The following AGTPBP1 variants were observed in gnomAD, a reference collection of about 807,000 sequenced individuals.
AGTPBP1 encodes cytosolic carboxypeptidase 1.
A neutral mutation model predicts 143.9 loss-of-function variants in AGTPBP1; 70 were observed. That is an observed-to-expected ratio of 0.49 (90% CI 0.40 to 0.59). The LOEUF (loss-of-function observed/expected upper bound fraction) is 0.59. AGTPBP1 is among the 20% of genes least tolerant of loss of function. AGTPBP1 has a pLI of 0.00. For synonymous variants in AGTPBP1, 463 were observed against 500.2 expected, an observed-to-expected ratio of 0.93 and a Z score of 0.99; for missense variants, 1,229 against 1,464.5, an observed-to-expected ratio of 0.84 and a Z score of 2.62.
At chr9:85,785,187 A>C in the AGTPBP1 span, among the ~76,000 whole-genome samples, 89 of 152,276 alleles carry the variant, frequency 5.8e-4, no homozygotes, top group African/African-American at 2.0e-3. Flanking sequence ...ACAAAAAATT[A>C]GCCGGGCGTG....
At chr9:85,658,045 G>T (rs1833638576) in intron 9 of AGTPBP1, among the ~76,000 whole-genome samples, 1 of 151,956 alleles carries the variant, frequency 6.6e-6, no homozygotes, top group Non-Finnish European at 1.5e-5. Context: ...TAGAAGATCT[G>T]CTATCATTTT....
At chr9:85,670,590 A>G (rs1834420985) in intron 7 of AGTPBP1, among the ~76,000 whole-genome samples, 1 of 152,222 alleles carries the variant, frequency 6.6e-6, no homozygotes, top group Non-Finnish European at 1.5e-5. Context: ...AGAACCAGGG[A>G]CAATGGCATG....
the AGTPBP1 span, among the ~76,000 whole-genome samples, chr9:85,795,245 A>G: frequency 4.6e-5 from 7 of 152,204 alleles, no homozygotes; most frequent in Middle Eastern, 3.2e-3. Flanking sequence ...TGAAACACAA[A>G]GGAATAATCC....
rs1282457312 is a variant in AGTPBP1 at position 85,681,295 on chromosome 9, TCCTGTAGAA to T, written c.189_197del (p.Ser64_Gly66del). The T allele has an allele frequency of 6.2e-7, 1 of 1,612,716 alleles. No individual in the cohort carries two copies. Among genetic ancestry groups the T allele is most frequent in the East Asian group, 2.2e-5 (1 of 44,794 alleles). ...CTAATGTTGACAGCAGAATTTCCAT[TCCTGTAGAA>T]CCTTTGGCTGTCATTTCTCTCCTTG... On this transcript the variant is annotated inframe_deletion, in exon 4 of 26. Transcript: ENST00000357081.
chr9:85,733,927 A>G (rs1272287596), intron 1 of AGTPBP1, among the ~76,000 whole-genome samples: 1 of 152,230 alleles, frequency 6.6e-6, no homozygotes, highest in Non-Finnish European at 1.5e-5. Context: ...AAATAGACCC[A>G]TAACTATTGA....
the AGTPBP1 span, among the ~76,000 whole-genome samples, chr9:85,773,356 G>C: frequency 2.7e-5 from 3 of 110,518 alleles, no homozygotes; most frequent in Admixed American, 9.9e-5. Context: ...TTTTTGCGGC[G>C]GAGTTTTGCT....
In AGTPBP1 at chr9:85,695,517, T is replaced by A. The variant is rs116618554; in HGVS notation, c.33-2704A>T. The stretch of plus-strand genomic sequence containing the variant: ...TCCAAAGGCAATGATGGGTACAGAG[T>A]TGGCATTGCAGCAAAATGAAGGCAG... On this transcript the variant is annotated intron_variant, in intron 2 of 25. Transcript: ENST00000357081. 6.0e-3 allele frequency among the ~76,000 whole-genome samples: 919 copies of A among 152,192 alleles called. 9 individuals carry two copies. The highest frequency in any genetic ancestry group is 0.021 in the African/African-American group (881 of 41,518).
At chr9:85,734,699 G>T (rs190637311) in intron 1 of AGTPBP1, among the ~76,000 whole-genome samples, 10 of 152,296 alleles carry the variant, frequency 6.6e-5, no homozygotes, top group Non-Finnish European at 1.2e-4. Flanking sequence ...CAGTATGAAG[G>T]TTCCTTGAAA....
At chr9:85,716,647 A>G (rs940201877) in intron 1 of AGTPBP1, among the ~76,000 whole-genome samples, 3 of 152,194 alleles carry the variant, frequency 2.0e-5, no homozygotes, top group Admixed American at 1.3e-4. Context: ...ACTTTACCAC[A>G]TCTACCACGG....
chr9:85,729,123 G>T (rs866016862), intron 1 of AGTPBP1, among the ~76,000 whole-genome samples: 3 of 152,116 alleles, frequency 2.0e-5, no homozygotes, highest in Non-Finnish European at 4.4e-5. Context: ...ATCGATTTTT[G>T]ACATGCATGT....
the AGTPBP1 span, among the ~76,000 whole-genome samples, chr9:85,797,919 C>T: frequency 6.6e-6 from 1 of 151,942 alleles, no homozygotes; most frequent in African/African-American, 2.4e-5. Flanking sequence ...TTGAGACGGA[C>T]TCTCACTCTG....
intron 14 of AGTPBP1, 72 bp from the exon 15 acceptor site, chr9:85,621,357 G>T: frequency 1.4e-6 from 1 of 700,364 alleles, no homozygotes; most frequent in Non-Finnish European, 2.1e-6. Context: ...AGTAAATTTT[G>T]AATGAAAAAA....
At chr9:85,757,113 C>G in the AGTPBP1 span, among the ~76,000 whole-genome samples, 129 of 152,210 alleles carry the variant, frequency 8.5e-4, 1 homozygote, top group Non-Finnish European at 1.2e-3. Context: ...TTTTTTGAGA[C>G]TGGAGTGCAG....
intron 8 of AGTPBP1, among the ~76,000 whole-genome samples, chr9:85,666,771 C>T (rs897646967): frequency 1.3e-5 from 2 of 151,652 alleles, no homozygotes; most frequent in Admixed American, 1.3e-4. Context: ...GAGATCATGG[C>T]CATTATATAA....
At chr9:85,580,722 G>T (rs1415560642) in intron 23 of AGTPBP1, among the ~76,000 whole-genome samples, 4 of 152,100 alleles carry the variant, frequency 2.6e-5, no homozygotes, top group Non-Finnish European at 5.9e-5. Flanking sequence ...GGACAATTTG[G>T]CAATACTTAT....
At chr9:85,655,724 T>G (rs1027245055) in intron 10 of AGTPBP1, among the ~76,000 whole-genome samples, 2 of 152,084 alleles carry the variant, frequency 1.3e-5, no homozygotes, top group African/African-American at 4.8e-5. Context: ...TGACCAAACC[T>G]TCCTCAGAAC....
At chr9:85,630,461 CGATTGATTGATT>C (rs71372435) in intron 14 of AGTPBP1, among the ~76,000 whole-genome samples, 12,332 of 148,888 alleles carry the variant, frequency 0.083, 564 homozygotes, top group Non-Finnish European at 0.095. Flanking sequence ...TGCAGTGGCA[CGATTGATTGATT>C]GATTGATTGA....
intron 25 of AGTPBP1, among the ~76,000 whole-genome samples, chr9:85,565,148 A>C (rs928005824): frequency 3.9e-5 from 6 of 152,222 alleles, no homozygotes; most frequent in Non-Finnish European, 8.8e-5. Flanking sequence ...GCTGACTAGG[A>C]CAACATCTGT....
the AGTPBP1 span, among the ~76,000 whole-genome samples, chr9:85,757,129 C>T: frequency 7.2e-5 from 11 of 152,014 alleles, no homozygotes; most frequent in Non-Finnish European, 1.0e-4. Context: ...TGCAGTGGCG[C>T]GATCTGTGCT....
Sources: gnomAD v4.1 joint callset for allele counts (sites outside exome capture counted in the v4.1 genomes callset) on GRCh38, gnomAD v4.1.1 for gene constraint, MANE v1.5 for transcripts, NCBI Gene and HGNC (gene_info 2026-07-23, HGNC 2026-07-21) for gene names.